ZMAT4: variants seen among roughly 807,000 people sequenced by gnomAD.
The protein encoded by ZMAT4 is zinc finger matrin-type protein 4.
A neutral mutation model predicts 28.7 loss-of-function variants in ZMAT4; 17 were observed. That is an observed-to-expected ratio of 0.59 (90% confidence interval 0.41 to 0.89). ZMAT4 has a LOEUF of 0.89. Among genes scored for constraint, ZMAT4 ranks in the 40% least tolerant of loss-of-function variants. ZMAT4 has a pLI of 0.00. For synonymous variants in ZMAT4, 117 were observed against 109.2 expected (o/e 1.07, Z -0.44); for missense variants, 240 against 283.8 (o/e 0.85, Z 1.11).
chr8:40,703,638 A>T (rs982255453), intron 3 of ZMAT4, among the ~76,000 whole-genome samples: 1 of 152,104 alleles, frequency 6.6e-6, no homozygotes. Context: ...CTAATGGGTA[A>T]AGAGTTTCCA....
chr8:40,882,377 G>A (rs574886244), intron 1 of ZMAT4, among the ~76,000 whole-genome samples: 2 of 152,240 alleles, frequency 1.3e-5, no homozygotes, highest in East Asian at 1.9e-4. Context: ...CCCTGGCAAC[G>A]CTACCTTGTT....
intron 6 of ZMAT4, among the ~76,000 whole-genome samples, chr8:40,565,145 A>G (rs1803874417): frequency 6.6e-6 from 1 of 152,174 alleles, no homozygotes; most frequent in African/African-American, 2.4e-5. Context: ...ATTTGCTCTT[A>G]ACATAAGTTT....
intron 2 of ZMAT4, among the ~76,000 whole-genome samples, chr8:40,806,133 G>T (rs1815076086): frequency 6.6e-6 from 1 of 152,094 alleles, no homozygotes; most frequent in Non-Finnish European, 1.5e-5. Context: ...AACGGTAAAG[G>T]TCTAAAAGAA....
At chr8:40,861,707 T>A (rs1817500094) in intron 1 of ZMAT4, among the ~76,000 whole-genome samples, 1 of 151,952 alleles carries the variant, frequency 6.6e-6, no homozygotes, top group South Asian at 2.1e-4. Flanking sequence ...TACAAAGGAC[T>A]CAAACAAATT....
chr8:40,742,154 G>A (rs551326773), intron 3 of ZMAT4, among the ~76,000 whole-genome samples: 22 of 151,706 alleles, frequency 1.5e-4, no homozygotes, highest in African/African-American at 4.1e-4. Context: ...AGCTACTCAA[G>A]AGGCTAAGGT....
rs530937169 is a variant in ZMAT4, at chr8:40,659,446, G to T, written c.577+15258C>A. Among the ~76,000 whole-genome samples the T allele has an allele frequency of 1.1e-4, 17 of 152,250 alleles. No individual in the cohort carries two copies. The South Asian group carries it at 3.5e-3, about 32-fold the overall frequency. On this transcript the variant is annotated intron_variant, in intron 5 of 6. Transcript: ENST00000297737. Reference sequence around the variant, plus strand: ...GCCAAATCATAATAAAAAGCTCTTTGCTATGAACATATAGCTGCCTTGAGT... The same window carrying T: ...GCCAAATCATAATAAAAAGCTCTTTTCTATGAACATATAGCTGCCTTGAGT...
At chr8:40,719,428 C>G (rs1230324016) in intron 3 of ZMAT4, among the ~76,000 whole-genome samples, 1 of 151,888 alleles carries the variant, frequency 6.6e-6, no homozygotes, top group Non-Finnish European at 1.5e-5. Flanking sequence ...ACGCAAGATT[C>G]TGTCTCAAAA....
At chr8:40,753,344 C>T (rs945577967) in intron 3 of ZMAT4, among the ~76,000 whole-genome samples, 2 of 152,120 alleles carry the variant, frequency 1.3e-5, no homozygotes, top group Admixed American at 6.5e-5. Context: ...CACACTCTTC[C>T]CCACCATCAC....
chr8:40,894,061 G>A (rs1818785365), intron 1 of ZMAT4, among the ~76,000 whole-genome samples: 1 of 152,246 alleles, frequency 6.6e-6, no homozygotes, highest in African/African-American at 2.4e-5. Flanking sequence ...GAAACTGAGA[G>A]CACAGCAGGC....
chr8:40,588,106 G>T (rs1358055274), intron 5 of ZMAT4, among the ~76,000 whole-genome samples: 1 of 151,800 alleles, frequency 6.6e-6, no homozygotes, highest in Admixed American at 6.6e-5. Flanking sequence ...GCCTTCCAAT[G>T]CACATCAATA....
chr8:40,653,065 C>G (rs1052501129), intron 5 of ZMAT4, among the ~76,000 whole-genome samples: 1 of 151,512 alleles, frequency 6.6e-6, no homozygotes, highest in Non-Finnish European at 1.5e-5. Context: ...CACATGTACA[C>G]TAAAACTTAA....
intron 1 of ZMAT4, among the ~76,000 whole-genome samples, chr8:40,891,046 G>T (rs555491681): frequency 1.6e-4 from 24 of 151,030 alleles, no homozygotes; most frequent in Non-Finnish European, 2.9e-4. Context: ...CAAAATCGAG[G>T]GCGGGGGCTG....
chr8:40,626,866 T>C (rs751547443), intron 5 of ZMAT4, among the ~76,000 whole-genome samples: 2 of 151,996 alleles, frequency 1.3e-5, no homozygotes, highest in African/African-American at 2.4e-5. Flanking sequence ...GTTTACTGAG[T>C]TTGGAGTTTG....
chr8:40,828,103 G>A (rs1816142309), intron 1 of ZMAT4, among the ~76,000 whole-genome samples: 1 of 152,178 alleles, frequency 6.6e-6, no homozygotes, highest in South Asian at 2.1e-4. Flanking sequence ...GTCTACATGA[G>A]GCAAAGGATT....
chr8:40,676,249 T>C (rs1404754524), intron 4 of ZMAT4, among the ~76,000 whole-genome samples: 4 of 152,198 alleles, frequency 2.6e-5, no homozygotes, highest in Admixed American at 6.5e-5. Context: ...CCAAGGATCC[T>C]TTTCATACTT....
In ZMAT4 at chr8:40,845,688, G is replaced by A. The variant is rs192441200; in HGVS notation, c.-4-20008C>T. Reference sequence around the variant, plus strand: ...GAAGACACAGTGAAAACCTGTGTTTGCTGTCCCAAGGAATTGCAAAAAAAA... The same window carrying A: ...GAAGACACAGTGAAAACCTGTGTTTACTGTCCCAAGGAATTGCAAAAAAAA... On this transcript the variant is annotated intron_variant, in intron 1 of 6. Transcript: ENST00000297737. Among the ~76,000 whole-genome samples the A allele has an allele frequency of 3.0e-3, 456 of 149,564 alleles. 2 individuals carry two copies. Among genetic ancestry groups the A allele is most frequent in the Non-Finnish European group, 3.7e-3 (249 of 67,816 alleles).
intron 3 of ZMAT4, among the ~76,000 whole-genome samples, chr8:40,702,275 G>A (rs1240467622): frequency 6.6e-6 from 1 of 152,170 alleles, no homozygotes; most frequent in Admixed American, 6.5e-5. Flanking sequence ...GTATCTTGCT[G>A]CATCCAGAGC....
intron 2 of ZMAT4, among the ~76,000 whole-genome samples, chr8:40,819,459 G>C (rs1240569845): frequency 6.6e-6 from 1 of 151,824 alleles, no homozygotes; most frequent in African/African-American, 2.4e-5. Context: ...CCCTCCTCCA[G>C]TCTCCCCCAC....
chr8:40,872,670 A>C (rs2150655627), intron 1 of ZMAT4, among the ~76,000 whole-genome samples: 1 of 152,238 alleles, frequency 6.6e-6, no homozygotes, highest in Admixed American at 6.5e-5. Flanking sequence ...ACCCCCTCAG[A>C]TAATGCCCGA....
Sources: allele counts gnomAD v4.1 joint callset (sites outside exome capture counted in the v4.1 genomes callset), GRCh38; gene constraint gnomAD v4.1.1; transcripts MANE v1.5; gene names NCBI Gene and HGNC (gene_info 2026-07-23, HGNC 2026-07-21).